RAB11FIP2: variants seen among roughly 807,000 people sequenced by gnomAD.
RAB11FIP2 encodes the protein rab11 family-interacting protein 2.
A neutral mutation model predicts 40.9 loss-of-function variants in RAB11FIP2; 16 were observed. That is an observed-to-expected ratio of 0.39 (90% CI 0.26 to 0.59). RAB11FIP2 has a LOEUF of 0.59. RAB11FIP2 is among the 20% of genes least tolerant of loss of function. The pLI is 0.53. For synonymous variants in RAB11FIP2, 228 were observed against 213.7 expected (o/e 1.07, Z -0.58); for missense variants, 532 against 606.2 (o/e 0.88, Z 1.28).
intron 2 of RAB11FIP2, chr10:118,039,862 G>A: frequency 2.4e-6 from 1 of 422,914 alleles, no homozygotes; most frequent in Non-Finnish European, 4.2e-6. Flanking sequence ...AGAAACAGCA[G>A]TAAAACAGGC....
At chr10:118,037,165 T>C (rs936655977) in intron 3 of RAB11FIP2, among the ~76,000 whole-genome samples, 1 of 152,132 alleles carries the variant, frequency 6.6e-6, no homozygotes, top group Non-Finnish European at 1.5e-5. Context: ...TAAGATTTAA[T>C]GTAATATGTG....
chr10:118,018,918 TTTTG>T (rs1189911916), intron 3 of RAB11FIP2, among the ~76,000 whole-genome samples: 1 of 152,040 alleles, frequency 6.6e-6, no homozygotes, highest in Non-Finnish European at 1.5e-5. Context: ...GTTTTTTTGT[TTTTG>T]TTTGTTTCTC....
Position 118,008,485 on chromosome 10 carries a change from G to A in RAB11FIP2, c.*513C>T, listed in dbSNP as rs1846120154. ...AAACACATGTATATATGAGGTATAT[G>A]CCTATATTTTATATACAAGATACAT... On this transcript the variant is annotated 3_prime_UTR_variant, in exon 5 of 5. Coordinates refer to ENST00000355624, the MANE Select transcript of RAB11FIP2 (RefSeq NM_014904.3). The A allele has an allele frequency of 6.4e-6, 1 of 157,278 alleles. No homozygotes were observed. Among genetic ancestry groups the A allele is most frequent in the Non-Finnish European group, 1.4e-5 (1 of 70,640 alleles). The allele number at this position is 157,278 out of a possible 1,614,324, so 9.7% of individuals were successfully genotyped here. A position where few individuals can be genotyped will look rare whatever the true frequency, so the allele number is the denominator to read the frequency against.
In RAB11FIP2 at chr10:118,005,847, A is replaced by G. The variant is rs1325397343; in HGVS notation, c.*3151T>C. The G allele has an allele frequency of 6.6e-6, 1 of 152,546 alleles. No homozygotes were observed. The highest frequency in any genetic ancestry group is 1.5e-5 in the Non-Finnish European group (1 of 68,004). 9.4% of individuals were successfully genotyped at this position (152,546 alleles called of 1,614,324 possible). On this transcript the variant is annotated 3_prime_UTR_variant, in exon 5 of 5. Transcript: ENST00000355624. ...TGGTGGTGAGGGAGTTGCTGGAGGA[A>G]TAACAAGAAGAAAACAAGTCTGTCA...
chr10:118,035,322 AAT>A (rs1281739505), intron 3 of RAB11FIP2, among the ~76,000 whole-genome samples: 1 of 152,196 alleles, frequency 6.6e-6, no homozygotes, highest in Non-Finnish European at 1.5e-5. Context: ...CACAGTTCTT[AAT>A]AGTCTCCAGA....
chr10:118,022,927 A>G (rs1007209263), intron 3 of RAB11FIP2, among the ~76,000 whole-genome samples: 64 of 152,344 alleles, frequency 4.2e-4, no homozygotes, highest in African/African-American at 1.5e-3. Flanking sequence ...GTCCCCAAAG[A>G]GTGGAAGAAA....
chr10:118,022,303 TCA>T (rs770350170), intron 3 of RAB11FIP2, among the ~76,000 whole-genome samples: 69 of 152,298 alleles, frequency 4.5e-4, no homozygotes, highest in Middle Eastern at 3.4e-3. Context: ...AACAGCCTCT[TCA>T]CAGTCTCTGC....
chr10:118,004,947 CA>C lies in RAB11FIP2; in HGVS notation c.*4050del, dbSNP rs1564827733. On this transcript the variant is annotated 3_prime_UTR_variant, in exon 5 of 5. Coordinates refer to ENST00000355624, the MANE Select transcript of RAB11FIP2 (RefSeq NM_014904.3). ...TTAAACACTTTAATCAACTATAAGT[CA>C]ATAATCATATATTATATAAAAATTC... The C allele has an allele frequency of 6.6e-6, 1 of 152,500 alleles. No individual in the cohort carries two copies. The highest frequency in any genetic ancestry group is 2.4e-5 in the African/African-American group (1 of 41,414). The allele number at this position is 152,500 out of a possible 1,614,324, so 9.4% of individuals were successfully genotyped here.
At chr10:118,044,498 A>G (rs184555243) in intron 1 of RAB11FIP2, among the ~76,000 whole-genome samples, 123 of 152,278 alleles carry the variant, frequency 8.1e-4, no homozygotes, top group Non-Finnish European at 3.8e-4. Context: ...TAATTTTATT[A>G]TTCAAATCAC....
rs1043048963 is a variant in RAB11FIP2 at position 118,033,892 on chromosome 10, G to A, written c.1265+5080C>T. The A allele has an allele frequency of 1.5e-4, 106 of 695,076 alleles. 1 individual carries two copies. The Admixed American group carries it at 2.1e-3, about 14-fold the overall frequency. 43.1% of individuals were successfully genotyped at this position (695,076 alleles called of 1,614,324 possible). A position where few individuals can be genotyped will look rare whatever the true frequency, so the allele number is the denominator to read the frequency against. ...TAAATCTCAGTAACTTATATCCTGT[G>A]AATTTATCATTTGGACAAGGGCCAC... On this transcript the variant is annotated intron_variant, in intron 3 of 4. Coordinates refer to ENST00000355624, the MANE Select transcript of RAB11FIP2 (RefSeq NM_014904.3).
rs1846090739 is a variant in RAB11FIP2, at chr10:118,006,396, CTCTATAA to C, written c.*2595_*2601del. ...TTTAAAGCATAAAAGCAAAAATAAACTCTATAATCTAGTGTACTGTGCATTATTTAAT... is the reference window on the plus strand; with the variant it reads ...TTTAAAGCATAAAAGCAAAAATAAACTCTAGTGTACTGTGCATTATTTAAT... On this transcript the variant is annotated 3_prime_UTR_variant, in exon 5 of 5. Transcript: ENST00000355624. 6.6e-6 allele frequency: 1 copy of C among 152,386 alleles called. No homozygotes were observed. The highest frequency in any genetic ancestry group is 2.4e-5 in the African/African-American group (1 of 41,380). 9.4% of individuals were successfully genotyped at this position (152,386 alleles called of 1,614,324 possible).
At position 118,007,166 on chromosome 10, in the gene RAB11FIP2, TAA is replaced by T. The variant is rs775492245; in HGVS notation, c.*1830_*1831del. The T allele has an allele frequency of 5.2e-5, 7 of 134,198 alleles. No individual in the cohort carries two copies. The highest frequency in any genetic ancestry group is 1.1e-4 in the African/African-American group (4 of 36,584). The allele number at this position is 134,198 out of a possible 1,614,324, so 8.3% of individuals were successfully genotyped here. On this transcript the variant is annotated 3_prime_UTR_variant, in exon 5 of 5. Coordinates refer to ENST00000355624, the MANE Select transcript of RAB11FIP2 (RefSeq NM_014904.3). ...AGTTAATTAAAAGTGGCACCATGTT[TAA>T]AAAAAAAAAAAAAACTACCAAGACC...
intron 3 of RAB11FIP2, among the ~76,000 whole-genome samples, chr10:118,021,291 TAA>T (rs564799649): frequency 9.8e-4 from 150 of 152,340 alleles, no homozygotes; most frequent in Non-Finnish European, 1.9e-3. Flanking sequence ...TTACAATTTA[TAA>T]GACATTTTCA....
intron 3 of RAB11FIP2, among the ~76,000 whole-genome samples, chr10:118,031,770 A>G (rs965654905): frequency 6.6e-6 from 1 of 152,174 alleles, no homozygotes; most frequent in Non-Finnish European, 1.5e-5. Context: ...AAATCAATTA[A>G]TACTAGAAAT....
chr10:118,019,578 C>T (rs1177030570), intron 3 of RAB11FIP2, among the ~76,000 whole-genome samples: 1 of 151,940 alleles, frequency 6.6e-6, no homozygotes, highest in East Asian at 1.9e-4. Flanking sequence ...AATCCCAGCA[C>T]TTTGGGAGGC....
intron 3 of RAB11FIP2, among the ~76,000 whole-genome samples, chr10:118,020,508 CTTA>C (rs1846270957): frequency 6.6e-6 from 1 of 152,194 alleles, no homozygotes; most frequent in South Asian, 2.1e-4. Context: ...TGCCCACTGG[CTTA>C]TTATGTTCTG....
intron 3 of RAB11FIP2, among the ~76,000 whole-genome samples, chr10:118,029,230 C>A (rs1846383495): frequency 6.6e-6 from 1 of 152,086 alleles, no homozygotes; most frequent in African/African-American, 2.4e-5. Flanking sequence ...CCCAATACCC[C>A]CCTACCCAAA....
rs186951182 is a variant in RAB11FIP2 at position 118,022,967 on chromosome 10, T to C, written c.1266-7857A>G. 6.6e-4 allele frequency among the ~76,000 whole-genome samples: 101 copies of C among 152,360 alleles called. 1 individual carries two copies. The highest frequency in any genetic ancestry group is 2.4e-3 in the African/African-American group (100 of 41,588). On this transcript the variant is annotated intron_variant, in intron 3 of 4. Transcript: ENST00000355624. ...CTTCCTGAATAAGAAAGATTACTTA[T>C]ATCTATACCTGATGATACATTAGTG...
rs112775671 is a variant in RAB11FIP2 at position 118,030,520 on chromosome 10, C to T, written c.1265+8452G>A. Among the ~76,000 whole-genome samples the T allele has an allele frequency of 5.3e-3, 801 of 152,210 alleles. 7 individuals carry two copies. The highest frequency in any genetic ancestry group is 0.019 in the African/African-American group (772 of 41,534). On this transcript the variant is annotated intron_variant, in intron 3 of 4. Transcript: ENST00000355624. Reference sequence around the variant, plus strand: ...GGACCTTGTTAATAACTTGTACAGTCTCTCTAAAGAGGTCCTAACAACACA... The same window carrying T: ...GGACCTTGTTAATAACTTGTACAGTTTCTCTAAAGAGGTCCTAACAACACA...
Sources: allele counts gnomAD v4.1 joint callset (sites outside exome capture counted in the v4.1 genomes callset), GRCh38; gene constraint gnomAD v4.1.1; transcripts MANE v1.5; gene names NCBI Gene and HGNC (gene_info 2026-07-23, HGNC 2026-07-21).